The following ERICH3 variants were observed in gnomAD, a reference collection of about 807,000 sequenced individuals.
ERICH3 encodes glutamate rich 3.
A neutral mutation model predicts 131.1 loss-of-function variants in ERICH3; 126 were observed. That is an observed-to-expected ratio of 0.96 (90% CI 0.83 to 1.11). ERICH3 has a LOEUF of 1.11. ERICH3 is among the 50% of genes most tolerant of loss of function. The pLI, the probability that ERICH3 is intolerant of heterozygous loss-of-function variation, is 0.00. For synonymous variants in ERICH3, 695 were observed against 644.6 expected, an observed-to-expected ratio of 1.08 and a Z score of -1.18; for missense variants, 2,050 against 1,810.7, an observed-to-expected ratio of 1.13 and a Z score of -2.40.
chr1:74,623,226 C>T (rs1015869089), intron 7 of ERICH3: 2 of 152,186 alleles, frequency 1.3e-5, no homozygotes, highest in Non-Finnish European at 2.9e-5. Flanking sequence ...TTTCCTTCAC[C>T]AGTTGCTTAT....
At chr1:74,573,633 C>T in intron 13 of ERICH3, 142 bp from the exon 14 acceptor site, 2 of 1,014,024 alleles carry the variant, frequency 2.0e-6, no homozygotes, top group Non-Finnish European at 2.5e-6. Flanking sequence ...ATATAAAACA[C>T]TTTCTCCATT....
Position 74,572,385 on chromosome 1 carries a change from C to T in ERICH3, c.3325G>A (p.Val1109Ile), listed in dbSNP as rs186027985. The T allele has an allele frequency of 2.7e-5, 43 of 1,613,818 alleles. No homozygotes were observed. Among genetic ancestry groups the T allele is most frequent in the Admixed American group, 1.7e-5 (1 of 60,016 alleles). Residue 1109 changes from valine (V) to isoleucine (I), a missense_variant, in exon 14 of 15, where the codon GTA (valine) becomes ATA (isoleucine). By Grantham distance (29) the Val-to-Ile change is conservative. Transcript: ENST00000326665. ...GCTTTTGTCTCTTCCTCAGCTCTTA[C>T]TTCTGTCTCTGTTTCCCCTTCTTCC... ...KAEEGETETE[V>I]RAEEETKAPP...
At position 74,641,466 on chromosome 1, in the gene ERICH3, TAAGA is replaced by T. The variant is rs1249015686; in HGVS notation, c.316-11_316-8del. ...ACCTTCTTGTGTGCTCTCCCTAGAA[TAAGA>T]AAGCAATTTAGCAAATAGATGCATA... On this transcript the variant is annotated splice_region_variant and splice_polypyrimidine_tract_variant and intron_variant, in intron 4 of 14. Transcript: ENST00000326665. 1.9e-6 allele frequency: 3 copies of T among 1,609,424 alleles called. No individual in the cohort carries two copies. In the African/African-American group the frequency reaches 4.0e-5, roughly 22 times the overall value.
In ERICH3 at chr1:74,571,861, T is replaced by G; in HGVS notation, c.3849A>C (p.Glu1283Asp). 6.2e-7 allele frequency: 1 copy of G among 1,612,132 alleles called. No homozygotes were observed. Residue 1283 changes from glutamate (E) to aspartate (D), a missense_variant, in exon 14 of 15, where the codon GAA (glutamate) becomes GAC (aspartate). By Grantham distance (45) the Glu-to-Asp change is conservative (BLOSUM62 2). Transcript: ENST00000326665. ...AVAEEDPIMA[E>D]KFREEAVDED... is the part of the protein sequence containing the mutation. ...CATCCACCGCTTCCTCCCTGAACTT[T>G]TCTGCCATTATGGGATCTTCCTCAG...
intron 1 of ERICH3, among the ~76,000 whole-genome samples, chr1:74,663,854 T>A (rs1646664885): frequency 6.6e-6 from 1 of 151,748 alleles, no homozygotes. Context: ...CCACTAGGAG[T>A]TTGGCTTTCT....
intron 1 of ERICH3, among the ~76,000 whole-genome samples, chr1:74,651,441 G>A (rs978677906): frequency 1.3e-5 from 2 of 152,062 alleles, no homozygotes; most frequent in Non-Finnish European, 2.9e-5. Flanking sequence ...ACCAGCTCCG[G>A]ATAATGCTTT....
chr1:74,628,539 C>T (rs1042441578), intron 7 of ERICH3, among the ~76,000 whole-genome samples: 1 of 151,818 alleles, frequency 6.6e-6, no homozygotes, highest in Non-Finnish European at 1.5e-5. Context: ...ATGTGTTAAT[C>T]GAATATTTAT....
chr1:74,634,149 AGCTTC>A (rs1055734633), intron 6 of ERICH3, among the ~76,000 whole-genome samples: 7 of 152,110 alleles, frequency 4.6e-5, no homozygotes, highest in Non-Finnish European at 8.8e-5. Flanking sequence ...CTTCTTTAAG[AGCTTC>A]TTGTCTGATT....
chr1:74,652,868 T>C (rs1249867064), intron 1 of ERICH3, among the ~76,000 whole-genome samples: 1 of 152,096 alleles, frequency 6.6e-6, no homozygotes, highest in Non-Finnish European at 1.5e-5. Flanking sequence ...ACCCATCCCC[T>C]GGTCACTAGG....
intron 1 of ERICH3, among the ~76,000 whole-genome samples, chr1:74,662,684 C>A (rs936948272): frequency 2.6e-5 from 4 of 152,140 alleles, no homozygotes; most frequent in Admixed American, 1.3e-4. Flanking sequence ...GCATTAACTT[C>A]TCCTTACAGG....
In ERICH3 at chr1:74,572,010, T is replaced by A; in HGVS notation, c.3700A>T (p.Ile1234Phe). 1 of 1,614,092 alleles carries A rather than the reference T, an allele frequency of 6.2e-7. No homozygotes were observed. The highest frequency in any genetic ancestry group is 8.5e-7 in the Non-Finnish European group (1 of 1,180,020). The change falls in exon 14 of 15, where the codon ATC (isoleucine) becomes TTC (phenylalanine). Residue 1234 changes from isoleucine (I) to phenylalanine (F), a missense_variant. Physicochemically the swap from Ile to Phe is conservative, Grantham distance 21 (BLOSUM62 0). Coordinates refer to ENST00000326665, the MANE Select transcript of ERICH3 (RefSeq NM_001002912.5). ...TCCTCTGCCTGGCCTGTGGCTGGGA[T>A]CAGCCCCTCAGGGGCCTGCACCTTT... ...AGKVQAPEGL[I>F]PATGQAEELA...
At chr1:74,625,931 T>A (rs1321612496) in intron 7 of ERICH3, 1 of 152,158 alleles carries the variant, frequency 6.6e-6, no homozygotes. Context: ...ATGCTGGGCA[T>A]TTGAAAGGTA....
chr1:74,576,892 T>A lies in ERICH3; in HGVS notation c.2218+3A>T, dbSNP rs759809241. 1.3e-6 allele frequency: 2 copies of A among 1,599,592 alleles called. No individual in the cohort carries two copies. The highest frequency in any genetic ancestry group is 4.5e-5 in the East Asian group (2 of 44,692). On this transcript the variant is annotated splice_donor_region_variant and intron_variant, in intron 13 of 14. Coordinates refer to ENST00000326665, the MANE Select transcript of ERICH3 (RefSeq NM_001002912.5). ...TTGGACCTCTTGCAGATGGAATACT[T>A]ACCACCAAGAGCCAGGACATAGGCT...
intron 5 of ERICH3, 133 bp downstream of exon 5, chr1:74,641,198 A>G (rs1646434452): frequency 9.9e-7 from 1 of 1,009,788 alleles, no homozygotes. Flanking sequence ...GAACAGATAT[A>G]AGACTATATT....
intron 1 of ERICH3, among the ~76,000 whole-genome samples, chr1:74,656,600 G>A (rs1441364118): frequency 2.0e-5 from 3 of 152,092 alleles, no homozygotes; most frequent in Non-Finnish European, 4.4e-5. Flanking sequence ...AAAATGCTAG[G>A]ACTACTCCCT....
chr1:74,579,841 G>A lies in ERICH3; in HGVS notation c.2177-2905C>T, dbSNP rs191165769. The stretch of plus-strand genomic sequence containing the variant: ...ATAAAGGTGACCACTGGAGGCAAAG[G>A]TGATTGTCAGTTCTCACAGCATTAG... On this transcript the variant is annotated intron_variant, in intron 12 of 14. Transcript: ENST00000326665. 3,050 of 984,702 alleles carry A rather than the reference G, an allele frequency of 3.1e-3. 3 individuals carry two copies. Among genetic ancestry groups the A allele is most frequent in the Non-Finnish European group, 3.4e-3 (2,827 of 829,656 alleles). The allele number at this position is 984,702 out of a possible 1,614,324, so 61.0% of individuals were successfully genotyped here. A position where few individuals can be genotyped will look rare whatever the true frequency, so the allele number is the denominator to read the frequency against.
chr1:74,658,245 C>G (rs1251774960), intron 1 of ERICH3, among the ~76,000 whole-genome samples: 2 of 152,160 alleles, frequency 1.3e-5, no homozygotes, highest in African/African-American at 4.8e-5. Context: ...CCTCCACTTC[C>G]CAATTCCTTG....
At chr1:74,650,386 G>GT (rs1646521959) in intron 1 of ERICH3, among the ~76,000 whole-genome samples, 1 of 152,084 alleles carries the variant, frequency 6.6e-6, no homozygotes, top group Non-Finnish European at 1.5e-5. Context: ...TAATTATTCA[G>GT]TAACTTACAA....
intron 3 of ERICH3, among the ~76,000 whole-genome samples, chr1:74,644,330 A>G (rs1646463932): frequency 6.6e-6 from 1 of 152,026 alleles, no homozygotes; most frequent in Non-Finnish European, 1.5e-5. Context: ...AGTCATCCAC[A>G]TCTACTGACT....
Sources: allele counts gnomAD v4.1 joint callset (sites outside exome capture counted in the v4.1 genomes callset), GRCh38; gene constraint gnomAD v4.1.1; transcripts MANE v1.5; gene names NCBI Gene and HGNC (gene_info 2026-07-23, HGNC 2026-07-21).